The following ESF1 variants were observed in gnomAD, a reference collection of about 807,000 sequenced individuals.
ESF1 encodes ESF1 homolog.
ESF1 carries 58 observed loss-of-function variants against 92.0 expected under a neutral mutation model. The observed-to-expected ratio is 0.63, with a 90% confidence interval of 0.51 to 0.78. The LOEUF is 0.78. ESF1 is among the 30% of genes least tolerant of loss of function. The pLI is 0.00. For synonymous variants in ESF1, 321 were observed against 313.7 expected, an observed-to-expected ratio of 1.02 and a Z score of -0.24; for missense variants, 922 against 989.1, an observed-to-expected ratio of 0.93 and a Z score of 0.91.
intron 9 of ESF1, among the ~76,000 whole-genome samples, chr20:13,755,195 G>A (rs902569291): frequency 2.0e-5 from 3 of 152,134 alleles, no homozygotes; most frequent in African/African-American, 7.2e-5. Flanking sequence ...GAGAAGTTGG[G>A]GTTCTGTAGA....
In ESF1 at chr20:13,754,029, CT is replaced by C. The variant is rs985395947; in HGVS notation, c.1828+5662del. ...TTTTTGGAAGTTACATTTTGAAGTG[CT>C]TTTTTTTACGTGTCATGGTGCTTGC... On this transcript the variant is annotated intron_variant, in intron 9 of 13. Transcript: ENST00000617257. 1.3e-5 allele frequency among the ~76,000 whole-genome samples: 2 copies of C among 152,052 alleles called. 1 individual carries two copies. Among genetic ancestry groups the C allele is most frequent in the South Asian group, 4.2e-4 (2 of 4,814 alleles).
chr20:13,731,366 C>A (rs1475014232), intron 10 of ESF1, among the ~76,000 whole-genome samples: 1 of 151,814 alleles, frequency 6.6e-6, no homozygotes, highest in Non-Finnish European at 1.5e-5. Context: ...CCCGCCTCTA[C>A]TAAAAATACA....
chr20:13,726,549 A>C lies in ESF1; in HGVS notation c.2038+1829T>G, dbSNP rs150261924. 6.7e-3 allele frequency among the ~76,000 whole-genome samples: 1,023 copies of C among 152,238 alleles called. 18 individuals carry two copies. The highest frequency in any genetic ancestry group is 0.023 in the African/African-American group (969 of 41,528). ...TTGCCTACCCAATGTAAACTCCCAT[A>C]TCTCCTACTTCTATCCAGTTATATC... On this transcript the variant is annotated intron_variant, in intron 11 of 13. Coordinates refer to ENST00000617257, the MANE Select transcript of ESF1 (RefSeq NM_001276380.2).
rs1242490440 is a variant in ESF1, at chr20:13,733,010, C to G, written c.1950+711G>C. Among the ~76,000 whole-genome samples, 7 of 152,204 alleles carry G rather than the reference C, an allele frequency of 4.6e-5. No individual in the cohort carries two copies. The East Asian group carries it at 1.4e-3, about 29-fold the overall frequency. ...GGCACGATCTTGACTCACTGTACCT[C>G]TGCCTCCTGGGTTCAAGCGATTCTC... is the stretch of plus-strand genomic sequence containing the variant. On this transcript the variant is annotated intron_variant, in intron 10 of 13. Coordinates refer to ENST00000617257, the MANE Select transcript of ESF1 (RefSeq NM_001276380.2).
intron 8 of ESF1, among the ~76,000 whole-genome samples, chr20:13,763,094 C>T (rs1352246845): frequency 6.6e-6 from 1 of 152,088 alleles, no homozygotes; most frequent in African/African-American, 2.4e-5. Context: ...ATCTCCCGAC[C>T]TCATGATCTG....
chr20:13,718,902 T>C lies in ESF1; in HGVS notation c.2115+6A>G, dbSNP rs1245845178. The C allele has an allele frequency of 6.3e-7, 1 of 1,595,144 alleles. No individual in the cohort carries two copies. Among genetic ancestry groups the C allele is most frequent in the Non-Finnish European group, 8.5e-7 (1 of 1,170,482 alleles). ...CACTAAGCATGTAACAATAATCGTATTTTACCTTTTGTCTTTCTATTTCAA... is the reference window on the plus strand; with the variant it reads ...CACTAAGCATGTAACAATAATCGTACTTTACCTTTTGTCTTTCTATTTCAA... On this transcript the variant is annotated splice_donor_region_variant and intron_variant, in intron 12 of 13. Coordinates refer to ENST00000617257, the MANE Select transcript of ESF1 (RefSeq NM_001276380.2).
chr20:13,740,138 G>A (rs184636874), intron 9 of ESF1, among the ~76,000 whole-genome samples: 1 of 152,316 alleles, frequency 6.6e-6, no homozygotes, highest in African/African-American at 2.4e-5. Flanking sequence ...GCTTCAATTG[G>A]TGTTGGATTG....
chr20:13,772,611 T>C lies in ESF1; in HGVS notation c.1154A>G (p.Tyr385Cys), dbSNP rs1979742137. Reference sequence around the variant, plus strand: ...CCTCTCCTTTCCAAATTCTGAAGGATATATCTAAACAGAAAAAAATAGGAT... The same window carrying C: ...CCTCTCCTTTCCAAATTCTGAAGGACATATCTAAACAGAAAAAAATAGGAT... ...KGGVIFSVKI[Y>C]PSEFGKERMK... The change falls in exon 5 of 14, where the codon TAT becomes TGT. Residue 385 changes from tyrosine (Y) to cysteine (C), a missense_variant. Tyr to Cys is a radical substitution (Grantham distance 194). Transcript: ENST00000617257. The C allele has an allele frequency of 1.9e-6, 3 of 1,604,284 alleles. No homozygotes were observed. The highest frequency in any genetic ancestry group is 2.6e-6 in the Non-Finnish European group (3 of 1,172,296).
chr20:13,776,243 CT>C lies in ESF1; in HGVS notation c.664del (p.Ser222ValfsTer28). The part of the protein sequence containing the change: ...SVVQLIMTRD[S>X]DGYENSTDGE... ...ATCTGTTGAGTTTTCATAACCATCA[CT>C]GTCTCTTGTCATTATGAGTTGAACC... On this transcript the variant is annotated frameshift_variant, in exon 3 of 14. Coordinates refer to ENST00000617257, the MANE Select transcript of ESF1 (RefSeq NM_001276380.2). LOFTEE classifies it high-confidence loss of function. 1.9e-6 allele frequency: 3 copies of C among 1,613,190 alleles called. No homozygotes were observed. Among genetic ancestry groups the C allele is most frequent in the Non-Finnish European group, 2.5e-6 (3 of 1,179,758 alleles).
chr20:13,763,955 A>G (rs753185523), intron 8 of ESF1, among the ~76,000 whole-genome samples: 27 of 152,226 alleles, frequency 1.8e-4, no homozygotes, highest in Non-Finnish European at 3.5e-4. Context: ...GCTTAGAAAA[A>G]TGAAGCAGTG....
chr20:13,772,438 T>A (rs1336167763), intron 5 of ESF1, 77 bp downstream of exon 5: 2 of 1,123,504 alleles, frequency 1.8e-6, no homozygotes, highest in East Asian at 4.7e-5. Context: ...TAGTTTTAAC[T>A]ATTAAGGTGA....
intron 9 of ESF1, among the ~76,000 whole-genome samples, chr20:13,741,603 C>T (rs954367655): frequency 6.6e-6 from 1 of 151,882 alleles, no homozygotes; most frequent in African/African-American, 2.4e-5. Flanking sequence ...CTATATGGCA[C>T]AAGATAAAAT....
At position 13,744,869 on chromosome 20, in the gene ESF1, C is replaced by T. The variant is rs76057009; in HGVS notation, c.1829-11027G>A. On this transcript the variant is annotated intron_variant, in intron 9 of 13. Transcript: ENST00000617257. ...TGTTTCCACAAGCTTTAATCACCAC[C>T]TGAGATTGCATATATTTTGCCTATT... Among the ~76,000 whole-genome samples, 223 of 152,290 alleles carry T rather than the reference C, an allele frequency of 1.5e-3. 3 individuals carry two copies. In the East Asian group the frequency reaches 0.035, roughly 24 times the overall value.
At chr20:13,760,626 C>A (rs942214026) in intron 8 of ESF1, among the ~76,000 whole-genome samples, 22 of 151,580 alleles carry the variant, frequency 1.5e-4, no homozygotes, top group Non-Finnish European at 2.8e-4. Context: ...AAGTGAGGAG[C>A]GTCTCCGCCC....
At chr20:13,725,686 T>C (rs1472673080) in intron 11 of ESF1, among the ~76,000 whole-genome samples, 1 of 152,172 alleles carries the variant, frequency 6.6e-6, no homozygotes, top group African/African-American at 2.4e-5. Context: ...CACCTGACCT[T>C]AGGGCCCATC....
chr20:13,743,147 G>A (rs2050026500), intron 9 of ESF1, among the ~76,000 whole-genome samples: 2 of 152,158 alleles, frequency 1.3e-5, no homozygotes, highest in African/African-American at 4.8e-5. Flanking sequence ...TATATGAAAA[G>A]GTGCTCAACA....
At chr20:13,783,873 C>T (rs1489273535) in intron 1 of ESF1, among the ~76,000 whole-genome samples, 2 of 152,180 alleles carry the variant, frequency 1.3e-5, no homozygotes, top group Non-Finnish European at 2.9e-5. Context: ...TGTTTCTTCA[C>T]ATTCTGGTCT....
chr20:13,766,395 C>T (rs928872421), intron 8 of ESF1, among the ~76,000 whole-genome samples: 1 of 152,064 alleles, frequency 6.6e-6, no homozygotes, highest in Admixed American at 6.6e-5. Flanking sequence ...ATTACAGAAA[C>T]AGGGAGTCTA....
In ESF1 at chr20:13,728,384, G is replaced by C; in HGVS notation, c.2032C>G (p.Gln678Glu). The C allele has an allele frequency of 1.2e-6, 2 of 1,610,596 alleles. No homozygotes were observed. The highest frequency in any genetic ancestry group is 1.7e-6 in the Non-Finnish European group (2 of 1,178,436). ...CAGATATGAGCTGGCTTACCTATTT[G>C]TTTAACTTCTTCAGCAAAGTATGGG... ...NDPYFAEEVK[Q>E]IGINKKSVKS... is the part of the protein sequence containing the mutation. The change falls in exon 11 of 14, where the codon CAA becomes GAA. Residue 678 changes from glutamine to glutamate, a missense_variant. Physicochemically the swap from Gln to Glu is conservative, Grantham distance 29. Coordinates refer to ENST00000617257, the MANE Select transcript of ESF1 (RefSeq NM_001276380.2).
Sources: allele counts gnomAD v4.1 joint callset (sites outside exome capture counted in the v4.1 genomes callset), GRCh38; gene constraint gnomAD v4.1.1; transcripts MANE v1.5; gene names NCBI Gene and HGNC (gene_info 2026-07-23, HGNC 2026-07-21).